Variants in ABHD17C observed in about 807,000 individuals in gnomAD.
ABHD17C encodes alpha/beta hydrolase domain-containing protein 17C.
In ABHD17C, 11 loss-of-function variants were observed where a neutral mutation model predicts 27.9. The observed-to-expected ratio is 0.39, with a 90% CI of 0.25 to 0.65. The LOEUF (loss-of-function observed/expected upper bound fraction) is 0.65. Among genes scored for constraint, ABHD17C ranks in the 30% least tolerant of loss-of-function variants. ABHD17C has a pLI of 0.45. For missense variants in ABHD17C, 280 were observed against 470.2 expected (o/e 0.60, Z 3.74); for synonymous variants, 233 against 209.1 (o/e 1.11, Z -0.98).
chr15:80,729,595 T>G (rs528325177), intron 1 of ABHD17C, among the ~76,000 whole-genome samples: 1 of 152,194 alleles, frequency 6.6e-6, no homozygotes, highest in South Asian at 2.1e-4. Flanking sequence ...TTTAAAATTA[T>G]ATAGTTAAAA....
chr15:80,734,666 G>A (rs552227889), intron 1 of ABHD17C, among the ~76,000 whole-genome samples: 8 of 152,308 alleles, frequency 5.3e-5, no homozygotes, highest in Non-Finnish European at 7.4e-5. Context: ...CAGAGAAAGG[G>A]TATATGGTAG....
At chr15:80,715,017 G>A (rs554986780) in intron 1 of ABHD17C, among the ~76,000 whole-genome samples, 29 of 152,288 alleles carry the variant, frequency 1.9e-4, no homozygotes, top group African/African-American at 4.8e-4. Flanking sequence ...TCCTGACCTC[G>A]TGATCCGCCC....
chr15:80,720,411 A>G (rs1029253676), intron 1 of ABHD17C, among the ~76,000 whole-genome samples: 4 of 151,010 alleles, frequency 2.6e-5, no homozygotes, highest in Non-Finnish European at 4.4e-5. Context: ...CTTTCTAGAA[A>G]CCACTTGATG....
intron 1 of ABHD17C, among the ~76,000 whole-genome samples, chr15:80,722,637 A>G (rs1243775855): frequency 6.6e-6 from 1 of 151,722 alleles, no homozygotes; most frequent in Non-Finnish European, 1.5e-5. Flanking sequence ...ATTGTTAATC[A>G]TATGCTCTAT....
At chr15:80,713,535 T>G (rs546433678) in intron 1 of ABHD17C, among the ~76,000 whole-genome samples, 3 of 151,764 alleles carry the variant, frequency 2.0e-5, no homozygotes, top group Non-Finnish European at 4.4e-5. Flanking sequence ...ACAGGCCAGG[T>G]GCAGTGGCTC....
At chr15:80,744,632 A>C (rs1229449808) in intron 1 of ABHD17C, among the ~76,000 whole-genome samples, 2 of 152,254 alleles carry the variant, frequency 1.3e-5, no homozygotes, top group Non-Finnish European at 2.9e-5. Flanking sequence ...AGTTCGCAGC[A>C]TGCCTACTGA....
rs565894204 is a variant in ABHD17C at position 80,729,034 on chromosome 15, G to A, written c.591-20479G>A. 2.0e-5 allele frequency among the ~76,000 whole-genome samples: 3 copies of A among 152,314 alleles called. No individual in the cohort carries two copies. In the South Asian group the frequency reaches 6.2e-4, roughly 32 times the overall value. On this transcript the variant is annotated intron_variant, in intron 1 of 2. Transcript: ENST00000258884. ...CCATTCTTATTTTAGAGTAGAAATA[G>A]CATTTATCATCAGATTGTTAGACTA...
intron 1 of ABHD17C, among the ~76,000 whole-genome samples, chr15:80,708,354 C>T (rs28546488): frequency 0.17 from 26,135 of 152,000 alleles, 2,624 homozygotes; most frequent in African/African-American, 0.28. Context: ...CTTGCTCTGT[C>T]GCCCAGGCTG....
chr15:80,717,454 C>A (rs1338938142), intron 1 of ABHD17C, among the ~76,000 whole-genome samples: 9 of 150,492 alleles, frequency 6.0e-5, no homozygotes, highest in African/African-American at 2.2e-4. Flanking sequence ...AGGGCGGTGG[C>A]ATAATCTTGG....
chr15:80,720,062 A>G (rs1469419383), intron 1 of ABHD17C, among the ~76,000 whole-genome samples: 1 of 152,174 alleles, frequency 6.6e-6, no homozygotes, highest in East Asian at 1.9e-4. Flanking sequence ...AGCCTCCCAA[A>G]GTGCTGAGAT....
In ABHD17C at chr15:80,695,528, G is replaced by T. The variant is rs936842930; in HGVS notation, c.99G>T (p.Leu33=). The T allele has an allele frequency of 2.9e-5, 40 of 1,370,300 alleles. No individual in the cohort carries two copies. Among genetic ancestry groups the T allele is most frequent in the Non-Finnish European group, 3.5e-5 (37 of 1,049,246 alleles). 84.9% of individuals were successfully genotyped at this position (1,370,300 alleles called of 1,614,324 possible). A position where few individuals can be genotyped will look rare whatever the true frequency, so the allele number is the denominator to read the frequency against. ...PPCPSRIAAK[L]AFLPPEPTYT... ...GCCCGAGCCGCATCGCCGCCAAGCT[G>T]GCCTTCCTGCCGCCCGAGCCCACCT... Residue 33 remains leucine (L), a synonymous_variant, in exon 1 of 3, where the codon CTG becomes CTT. Transcript: ENST00000258884. This position sits in a 1 kb window ranked among gnomAD's most constrained non-coding sequence, Gnocchi z 4.3.
intron 1 of ABHD17C, among the ~76,000 whole-genome samples, chr15:80,715,058 G>A (rs1894784871): frequency 6.6e-6 from 1 of 152,158 alleles, no homozygotes; most frequent in Admixed American, 6.5e-5. Context: ...TGGGATTACA[G>A]GCGTGAGCCA....
chr15:80,748,135 A>C (rs570300907), intron 1 of ABHD17C, among the ~76,000 whole-genome samples: 368 of 152,258 alleles, frequency 2.4e-3, no homozygotes, highest in Non-Finnish European at 4.5e-3. Flanking sequence ...AATGCCCTGA[A>C]TTCTTTCTTT....
chr15:80,711,460 G>T (rs1236770957), intron 1 of ABHD17C, among the ~76,000 whole-genome samples: 2 of 152,196 alleles, frequency 1.3e-5, no homozygotes, highest in Non-Finnish European at 2.9e-5. Context: ...GCCCGCAGGT[G>T]ATTTCCCATA....
At chr15:80,701,265 G>A (rs140238527) in intron 1 of ABHD17C, among the ~76,000 whole-genome samples, 76 of 152,192 alleles carry the variant, frequency 5.0e-4, no homozygotes, top group African/African-American at 1.8e-3. Context: ...ACTTTCCTGG[G>A]CATGTTGAAG....
intron 1 of ABHD17C, among the ~76,000 whole-genome samples, chr15:80,716,032 T>C (rs1376115529): frequency 6.6e-6 from 1 of 152,214 alleles, no homozygotes; most frequent in Non-Finnish European, 1.5e-5. Context: ...GGAGCAACAT[T>C]TTATTCCTGA....
intron 1 of ABHD17C, among the ~76,000 whole-genome samples, chr15:80,729,691 A>G (rs1376654358): frequency 6.6e-6 from 1 of 152,236 alleles, no homozygotes; most frequent in Non-Finnish European, 1.5e-5. Context: ...ATTAGAAATA[A>G]TAATGCAGGA....
rs757976891 is a variant in ABHD17C at position 80,749,485 on chromosome 15, A to G, written c.591-28A>G. ...TTCTCTCTTTCTTCATACCTTAGCT[A>G]ATGGCATACAACCTCTGATTTCTCC... On this transcript the variant is annotated intron_variant, in intron 1 of 2. Transcript: ENST00000258884. The G allele has an allele frequency of 5.6e-6, 9 of 1,606,926 alleles. No individual in the cohort carries two copies. In the East Asian group the frequency reaches 8.9e-5, roughly 16 times the overall value.
chr15:80,737,560 A>G (rs1016258393), intron 1 of ABHD17C, among the ~76,000 whole-genome samples: 1 of 152,158 alleles, frequency 6.6e-6, no homozygotes, highest in Non-Finnish European at 1.5e-5. Context: ...AATTTTATCT[A>G]CCCTTGTGGA....
Sources: allele counts gnomAD v4.1 joint callset (sites outside exome capture counted in the v4.1 genomes callset), GRCh38; gene constraint gnomAD v4.1.1; non-coding constraint Gnocchi (gnomAD v3.1); transcripts MANE v1.5; gene names NCBI Gene and HGNC (gene_info 2026-07-23, HGNC 2026-07-21).